ZRANB1: variants seen among roughly 807,000 people sequenced by gnomAD.
ZRANB1 encodes the protein zinc finger RANBP2-type containing 1.
ZRANB1 carries 16 observed loss-of-function variants against 80.5 expected under a neutral mutation model. The observed-to-expected ratio is 0.20, with a 90% CI of 0.13 to 0.30. The LOEUF is 0.30. Ranked by LOEUF, ZRANB1 falls within the 10% of genes least tolerant of loss-of-function variation. The pLI is 1.00. For missense variants in ZRANB1, 576 were observed against 862.6 expected (o/e 0.67, Z 4.16); for synonymous variants, 291 against 293.1 (o/e 0.99, Z 0.07).
intron 3 of ZRANB1, among the ~76,000 whole-genome samples, chr10:124,973,109 G>A (rs1034266741): frequency 5.3e-5 from 8 of 152,096 alleles, no homozygotes; most frequent in Admixed American, 5.2e-4. Flanking sequence ...CTTGTTCTGA[G>A]TATTTAAGCT....
upstream of ZRANB1, among the ~76,000 whole-genome samples, chr10:124,939,195 T>TTG (rs542949083): frequency 1.1e-3 from 163 of 151,688 alleles, 1 homozygote; most frequent in African/African-American, 3.8e-3. Context: ...AAATCGTGTT[T>TTG]TTTTTTTTTT....
intron 8 of ZRANB1, chr10:124,984,483 C>T (rs1177679824): frequency 6.0e-6 from 2 of 331,392 alleles, no homozygotes; most frequent in Non-Finnish European, 1.1e-5. Flanking sequence ...TGTGGCTTGC[C>T]AGGATCAGTT....
chr10:124,919,601 C>G, the ZRANB1 span, among the ~76,000 whole-genome samples: 3 of 143,462 alleles, frequency 2.1e-5, no homozygotes, highest in Non-Finnish European at 4.6e-5. Flanking sequence ...TTTTTTTTTC[C>G]TCCTCCTCCT....
chr10:124,929,343 C>CTT, the ZRANB1 span, among the ~76,000 whole-genome samples: 24 of 140,824 alleles, frequency 1.7e-4, no homozygotes, highest in African/African-American at 2.3e-4. Flanking sequence ...GGCACAGATT[C>CTT]TTTTTTTTTT....
At chr10:124,919,472 C>T in the ZRANB1 span, among the ~76,000 whole-genome samples, 1 of 151,834 alleles carries the variant, frequency 6.6e-6, no homozygotes, top group Non-Finnish European at 1.5e-5. Context: ...TCTTGAACGC[C>T]GGAGGCGGAG....
chr10:124,968,375 A>C (rs1017177966), intron 2 of ZRANB1, among the ~76,000 whole-genome samples: 2 of 152,234 alleles, frequency 1.3e-5, no homozygotes, highest in African/African-American at 4.8e-5. Flanking sequence ...AAAAATTTGA[A>C]GGTTAGATGG....
chr10:124,921,218 C>T, the ZRANB1 span, among the ~76,000 whole-genome samples: 3 of 152,126 alleles, frequency 2.0e-5, no homozygotes, highest in African/African-American at 7.2e-5. Context: ...TTTGGTCATT[C>T]CATATTGTAT....
At chr10:124,976,620 G>A (rs1435540518) in intron 5 of ZRANB1, among the ~76,000 whole-genome samples, 2 of 135,548 alleles carry the variant, frequency 1.5e-5, no homozygotes, top group Non-Finnish European at 3.1e-5. Flanking sequence ...CGCCCAGGCT[G>A]GAGTGCAGTG....
At chr10:124,981,442 G>T in intron 5 of ZRANB1, 1 of 232,544 alleles carries the variant, frequency 4.3e-6, no homozygotes. Context: ...AAAATAACCA[G>T]TCTCATCATT....
intron 5 of ZRANB1, among the ~76,000 whole-genome samples, chr10:124,976,260 G>A (rs376054840): frequency 6.6e-6 from 1 of 152,078 alleles, no homozygotes; most frequent in Non-Finnish European, 1.5e-5. Context: ...GTGCTCTGCC[G>A]GTCTGGCCCT....
intron 1 of ZRANB1, among the ~76,000 whole-genome samples, chr10:124,966,381 G>T (rs1320635153): frequency 6.6e-6 from 1 of 151,960 alleles, no homozygotes; most frequent in Non-Finnish European, 1.5e-5. Context: ...CTGATGGTAA[G>T]GTAAATGTCT....
intron 1 of ZRANB1, among the ~76,000 whole-genome samples, chr10:124,963,467 C>T (rs567457702): frequency 1.3e-5 from 2 of 150,140 alleles, no homozygotes; most frequent in East Asian, 1.9e-4. Context: ...CTTATTCTTA[C>T]GTTCTTTTTA....
At chr10:124,981,897 G>T in intron 6 of ZRANB1, 68 bp downstream of exon 6, 1 of 1,580,890 alleles carries the variant, frequency 6.3e-7, no homozygotes, top group South Asian at 1.2e-5. Context: ...TGGTTTATTT[G>T]AGCAAACCAT....
At chr10:124,932,221 C>A in the ZRANB1 span, among the ~76,000 whole-genome samples, 1 of 151,216 alleles carries the variant, frequency 6.6e-6, no homozygotes, top group Non-Finnish European at 1.5e-5. Context: ...TGAAGGACAT[C>A]TTGGTTCTTT....
chr10:124,937,582 T>C (rs1321406349), upstream of ZRANB1, among the ~76,000 whole-genome samples: 8 of 152,176 alleles, frequency 5.3e-5, no homozygotes, highest in Non-Finnish European at 1.2e-4. Flanking sequence ...GACTTCAATA[T>C]AAATATAATT....
At chr10:124,962,302 G>A in intron 1 of ZRANB1, 3 of 802,470 alleles carry the variant, frequency 3.7e-6, no homozygotes, top group Non-Finnish European at 4.5e-6. Context: ...CTGAAATTGT[G>A]CCAGCCGACT....
the ZRANB1 span, among the ~76,000 whole-genome samples, chr10:124,932,221 C>G: frequency 6.6e-6 from 1 of 151,216 alleles, no homozygotes; most frequent in Non-Finnish European, 1.5e-5. Context: ...TGAAGGACAT[C>G]TTGGTTCTTT....
chr10:124,962,616 C>T (rs1475337480), intron 1 of ZRANB1, among the ~76,000 whole-genome samples: 1 of 152,184 alleles, frequency 6.6e-6, no homozygotes, highest in Admixed American at 6.5e-5. Flanking sequence ...CCCAGTGAGT[C>T]ATTGACCTGT....
chr10:124,974,711 T>C (rs540123143), intron 5 of ZRANB1, among the ~76,000 whole-genome samples: 4 of 152,364 alleles, frequency 2.6e-5, no homozygotes, highest in Non-Finnish European at 5.9e-5. Flanking sequence ...TTTGAACATT[T>C]CAAATGCAGC....
Sources: allele counts gnomAD v4.1 joint callset (sites outside exome capture counted in the v4.1 genomes callset), GRCh38; gene constraint gnomAD v4.1.1; transcripts MANE v1.5; gene names NCBI Gene and HGNC (gene_info 2026-07-23, HGNC 2026-07-21).